The following ATAD2B variants were observed in gnomAD, a reference collection of about 807,000 sequenced individuals.
ATAD2B encodes the protein ATPase family AAA domain-containing protein 2B.
A neutral mutation model predicts 167.6 loss-of-function variants in ATAD2B; 40 were observed. The ratio of observed to expected loss-of-function variants is 0.24; its 90% CI spans 0.19 to 0.31. ATAD2B has a LOEUF of 0.31. Among genes scored for constraint, ATAD2B ranks in the 10% least tolerant of loss-of-function variants. The pLI is 1.00. For synonymous variants in ATAD2B, 579 were observed against 596.5 expected, an observed-to-expected ratio of 0.97 and a Z score of 0.43; for missense variants, 1,242 against 1,757.2, an observed-to-expected ratio of 0.71 and a Z score of 5.24.
the ATAD2B span, among the ~76,000 whole-genome samples, chr2:23,738,408 G>C: frequency 6.6e-6 from 1 of 152,168 alleles, no homozygotes; most frequent in East Asian, 1.9e-4. Context: ...CATTCTTAAA[G>C]AAAAGAATTT....
chr2:23,689,982 G>A, the ATAD2B span: 3 of 152,384 alleles, frequency 2.0e-5, no homozygotes, highest in African/African-American at 7.2e-5. Flanking sequence ...TCTGCCTTCT[G>A]GGCTGGCCCC....
At chr2:23,713,761 C>A in the ATAD2B span, among the ~76,000 whole-genome samples, 1 of 152,158 alleles carries the variant, frequency 6.6e-6, no homozygotes, top group South Asian at 2.1e-4. Flanking sequence ...TCTTTTATGG[C>A]TCCATATTAT....
At chr2:23,887,051 GC>G (rs890409228) in intron 4 of ATAD2B, among the ~76,000 whole-genome samples, 3 of 152,140 alleles carry the variant, frequency 2.0e-5, no homozygotes, top group Non-Finnish European at 4.4e-5. Context: ...GCCAAGGCAG[GC>G]AGATCACAAG....
the ATAD2B span, among the ~76,000 whole-genome samples, chr2:23,688,585 C>T: frequency 6.6e-6 from 1 of 152,098 alleles, no homozygotes; most frequent in Non-Finnish European, 1.5e-5. Context: ...CGGACTCTGG[C>T]CTCTCCTGGG....
intron 1 of ATAD2B, among the ~76,000 whole-genome samples, chr2:23,913,788 T>C (rs1405034173): frequency 6.6e-6 from 1 of 151,936 alleles, no homozygotes; most frequent in Non-Finnish European, 1.5e-5. Context: ...TATTAAGACA[T>C]AACTCAAAAC....
At chr2:23,737,810 A>G in the ATAD2B span, among the ~76,000 whole-genome samples, 6 of 152,212 alleles carry the variant, frequency 3.9e-5, no homozygotes, top group Admixed American at 1.3e-4. Context: ...AAAAAAAATT[A>G]GATGAATGGA....
the ATAD2B span, among the ~76,000 whole-genome samples, chr2:23,721,899 A>T: frequency 9.7e-4 from 148 of 152,376 alleles, no homozygotes; most frequent in African/African-American, 3.3e-3. Context: ...TCTGAGAAGC[A>T]GGCTGGTGAG....
chr2:23,798,669 A>C (rs1010711647), intron 18 of ATAD2B, among the ~76,000 whole-genome samples: 3 of 152,198 alleles, frequency 2.0e-5, no homozygotes, highest in African/African-American at 4.8e-5. Flanking sequence ...GCTGCAAATA[A>C]AGAGATAAAC....
Position 23,927,045 on chromosome 2 carries a change from C to T in ATAD2B, c.-275G>A. 2.2e-6 allele frequency: 1 copy of T among 451,108 alleles called. No homozygotes were observed. The highest frequency in any genetic ancestry group is 3.9e-6 in the Non-Finnish European group (1 of 256,730). The allele number at this position is 451,108 out of a possible 1,614,324, so 27.9% of individuals were successfully genotyped here. A position where few individuals can be genotyped will look rare whatever the true frequency, so the allele number is the denominator to read the frequency against. ...CTCCTCAGCGGGAGCCGAGCGGAGC[C>T]GCCATTTCTACCCCTTTCTCTCCCG... On this transcript the variant is annotated 5_prime_UTR_variant, in exon 1 of 28. Transcript: ENST00000238789.
chr2:23,821,316 T>C (rs1321894390), intron 16 of ATAD2B, among the ~76,000 whole-genome samples: 1 of 152,250 alleles, frequency 6.6e-6, no homozygotes, highest in South Asian at 2.1e-4. Flanking sequence ...GAGGTTTTTA[T>C]GATTTTCTAA....
chr2:23,720,509 G>A, the ATAD2B span, among the ~76,000 whole-genome samples: 1 of 41,680 alleles, frequency 2.4e-5, no homozygotes, highest in African/African-American at 6.3e-5. Flanking sequence ...AGGAGACAGA[G>A]GTTGCAAGAT....
chr2:23,788,371 T>C, intron 20 of ATAD2B, 141 bp downstream of exon 20: 2 of 936,644 alleles, frequency 2.1e-6, no homozygotes, highest in Non-Finnish European at 3.2e-6. Context: ...AATGGACACT[T>C]CCACACGTCA....
chr2:23,706,601 C>T, the ATAD2B span: 1 of 1,537,224 alleles, frequency 6.5e-7, no homozygotes, highest in Non-Finnish European at 8.7e-7. Flanking sequence ...TCCTCCCCCA[C>T]ATGCCCTGCC....
intron 1 of ATAD2B, among the ~76,000 whole-genome samples, chr2:23,922,949 C>T (rs1435578837): frequency 6.6e-6 from 1 of 152,046 alleles, no homozygotes; most frequent in Non-Finnish European, 1.5e-5. Flanking sequence ...ACAGTATGAA[C>T]GTTCCTCAAA....
chr2:23,740,116 A>T, the ATAD2B span, among the ~76,000 whole-genome samples: 8 of 152,242 alleles, frequency 5.3e-5, no homozygotes, highest in Admixed American at 4.6e-4. Flanking sequence ...GAATTCTACC[A>T]GAGGTACAAA....
At chr2:23,759,396 T>C (rs978374600) in intron 24 of ATAD2B, among the ~76,000 whole-genome samples, 4 of 152,170 alleles carry the variant, frequency 2.6e-5, no homozygotes, top group Non-Finnish European at 5.9e-5. Context: ...GAAAGGAATA[T>C]GGTCTTTTAA....
rs745603766 is a variant in ATAD2B at position 23,798,329 on chromosome 2, T to A, written c.2455-6A>T. 1.3e-6 allele frequency: 2 copies of A among 1,572,304 alleles called. No homozygotes were observed. The highest frequency in any genetic ancestry group is 1.4e-5 in the African/African-American group (1 of 73,248). On this transcript the variant is annotated splice_polypyrimidine_tract_variant and splice_region_variant and intron_variant, in intron 18 of 27. Coordinates refer to ENST00000238789, the MANE Select transcript of ATAD2B (RefSeq NM_017552.4). ...CTTCGAGCTTCACGAAAAATCTAAT[T>A]AAGGAAAAAAACCAACATTAAACAA...
At chr2:23,762,459 A>T (rs2712070) in intron 23 of ATAD2B, 113 bp from the exon 24 acceptor site, 793,796 of 1,057,062 alleles carry the variant, frequency 0.75, 300,971 homozygotes, top group East Asian at 0.87. Context: ...TAATTATACT[A>T]GGGCAGTTTG....
At chr2:23,716,320 G>A in the ATAD2B span, among the ~76,000 whole-genome samples, 8 of 152,290 alleles carry the variant, frequency 5.3e-5, no homozygotes, top group South Asian at 2.1e-4. Flanking sequence ...AAACTGCTGC[G>A]ATGATATAAA....
Sources: gnomAD v4.1 joint callset for allele counts (sites outside exome capture counted in the v4.1 genomes callset) on GRCh38, gnomAD v4.1.1 for gene constraint, MANE v1.5 for transcripts, NCBI Gene and HGNC (gene_info 2026-07-23, HGNC 2026-07-21) for gene names.